FHIP1A: variants seen among roughly 807,000 people sequenced by gnomAD.
The protein encoded by FHIP1A is FHF complex subunit HOOK-interacting protein 1A.
In FHIP1A, 61 loss-of-function variants were observed where a neutral mutation model predicts 88.6. The observed-to-expected ratio is 0.69, with a 90% CI of 0.56 to 0.85. The LOEUF is 0.85. Among genes scored for constraint, FHIP1A ranks in the 40% least tolerant of loss-of-function variants. FHIP1A has a pLI of 0.00. For missense variants in FHIP1A, 1,154 were observed against 1,273.5 expected (o/e 0.91, Z 1.43); for synonymous variants, 478 against 496.0 (o/e 0.96, Z 0.48).
chr4:151,628,169 T>C (rs2126874791), intron 7 of FHIP1A, among the ~76,000 whole-genome samples: 1 of 152,248 alleles, frequency 6.6e-6, no homozygotes. Context: ...AGAACTTGCA[T>C]TGTTGGCACC....
chr4:151,466,108 A>G (rs548606082), intron 2 of FHIP1A, among the ~76,000 whole-genome samples: 47 of 152,316 alleles, frequency 3.1e-4, no homozygotes, highest in Middle Eastern at 3.4e-3. Context: ...AAAACTCCTT[A>G]AGCTGGTAAG....
At chr4:151,500,302 C>T (rs1182791489) in intron 3 of FHIP1A, among the ~76,000 whole-genome samples, 1 of 151,976 alleles carries the variant, frequency 6.6e-6, no homozygotes. Flanking sequence ...TTTAGGTGTC[C>T]TGGCAACTCA....
chr4:151,492,866 G>C (rs1270261405), intron 3 of FHIP1A, among the ~76,000 whole-genome samples: 2 of 152,080 alleles, frequency 1.3e-5, no homozygotes, highest in Admixed American at 6.6e-5. Context: ...GCAAATAAAT[G>C]TCTACATCAA....
intron 1 of FHIP1A, among the ~76,000 whole-genome samples, chr4:151,429,670 G>A (rs1235958699): frequency 2.6e-5 from 4 of 152,062 alleles, no homozygotes; most frequent in Admixed American, 1.3e-4. Flanking sequence ...CCAATATGGC[G>A]AAACTGTGTC....
chr4:151,594,660 T>C (rs1191462585), intron 7 of FHIP1A, among the ~76,000 whole-genome samples: 2 of 151,706 alleles, frequency 1.3e-5, no homozygotes, highest in African/African-American at 2.4e-5. Flanking sequence ...CACTGCAAGC[T>C]CCGCCTCCTG....
At chr4:151,602,095 C>T (rs1734895256) in intron 7 of FHIP1A, among the ~76,000 whole-genome samples, 1 of 152,104 alleles carries the variant, frequency 6.6e-6, no homozygotes, top group Non-Finnish European at 1.5e-5. Context: ...CTGTGTCCTT[C>T]CCACGACATG....
At chr4:151,615,700 G>T (rs1392390738) in intron 7 of FHIP1A, among the ~76,000 whole-genome samples, 1 of 152,106 alleles carries the variant, frequency 6.6e-6, no homozygotes, top group Admixed American at 6.5e-5. Flanking sequence ...CTCTAGAATA[G>T]TTCATTTCAC....
chr4:151,599,108 G>A (rs141453996), intron 7 of FHIP1A, among the ~76,000 whole-genome samples: 1 of 152,194 alleles, frequency 6.6e-6, no homozygotes, highest in African/African-American at 2.4e-5. Flanking sequence ...ATATGGGAAA[G>A]GATAAATTTT....
chr4:151,451,174 A>T (rs537182669), intron 1 of FHIP1A, among the ~76,000 whole-genome samples: 2 of 152,086 alleles, frequency 1.3e-5, no homozygotes, highest in South Asian at 4.2e-4. Context: ...CCCTTTGCCT[A>T]TAGTTTTTGG....
Position 151,667,849 on chromosome 4 carries a change from G to A in FHIP1A, c.*5095G>A, listed in dbSNP as rs746090464. Among the ~76,000 whole-genome samples the A allele has an allele frequency of 2.1e-4, 32 of 152,140 alleles. No individual in the cohort carries two copies. The highest frequency in any genetic ancestry group is 4.1e-4 in the Non-Finnish European group (28 of 68,018). On this transcript the variant is annotated 3_prime_UTR_variant, in exon 14 of 14. Coordinates refer to ENST00000435205, the MANE Select transcript of FHIP1A (RefSeq NM_001109977.3). ...TCGACATGCATTCCAGGCATCTTTC[G>A]GGGAGTTTAGATTTACTGTGTCATT...
chr4:151,478,606 A>G (rs185785974), intron 2 of FHIP1A, among the ~76,000 whole-genome samples: 222 of 152,258 alleles, frequency 1.5e-3, no homozygotes, highest in Non-Finnish European at 2.7e-3. Flanking sequence ...TAGCTGTGCA[A>G]ACCAAAGATG....
chr4:151,602,680 G>C (rs991399999), intron 7 of FHIP1A, among the ~76,000 whole-genome samples: 2 of 152,182 alleles, frequency 1.3e-5, no homozygotes, highest in Non-Finnish European at 2.9e-5. Context: ...TGTAAGGCAG[G>C]TGAACATTGA....
intron 3 of FHIP1A, among the ~76,000 whole-genome samples, chr4:151,538,178 G>A (rs547800438): frequency 6.6e-6 from 1 of 152,274 alleles, no homozygotes; most frequent in East Asian, 1.9e-4. Flanking sequence ...TAACCTCATG[G>A]CCTGGTTTTT....
intron 2 of FHIP1A, among the ~76,000 whole-genome samples, chr4:151,458,204 A>G (rs983307013): frequency 2.0e-5 from 3 of 152,218 alleles, no homozygotes; most frequent in African/African-American, 4.8e-5. Context: ...ACTCAGAATC[A>G]TGAGCTCTGT....
At chr4:151,555,912 A>G (rs1560766345) in intron 3 of FHIP1A, among the ~76,000 whole-genome samples, 1 of 152,204 alleles carries the variant, frequency 6.6e-6, no homozygotes, top group Non-Finnish European at 1.5e-5. Context: ...TGATATAATC[A>G]TATAAAATAT....
intron 3 of FHIP1A, among the ~76,000 whole-genome samples, chr4:151,529,550 T>G: frequency 6.6e-6 from 1 of 152,178 alleles, no homozygotes; most frequent in East Asian, 1.9e-4. Context: ...CATCACTCAT[T>G]CTGTCAGGTT....
chr4:151,634,679 A>G (rs1263994468), intron 8 of FHIP1A, among the ~76,000 whole-genome samples: 1 of 151,800 alleles, frequency 6.6e-6, no homozygotes, highest in Non-Finnish European at 1.5e-5. Context: ...ACAAATGGTA[A>G]TGGTAAAACT....
chr4:151,535,891 A>C (rs1034045150), intron 3 of FHIP1A, among the ~76,000 whole-genome samples: 8 of 152,250 alleles, frequency 5.3e-5, no homozygotes, highest in African/African-American at 1.7e-4. Flanking sequence ...TTTAAGTATA[A>C]AAGCCATTGC....
chr4:151,641,967 G>A (rs1177142039), intron 9 of FHIP1A, among the ~76,000 whole-genome samples: 1 of 152,190 alleles, frequency 6.6e-6, no homozygotes, highest in Non-Finnish European at 1.5e-5. Flanking sequence ...AATAATGACT[G>A]TATGTCAATT....
Sources: allele counts gnomAD v4.1 joint callset (sites outside exome capture counted in the v4.1 genomes callset), GRCh38; gene constraint gnomAD v4.1.1; transcripts MANE v1.5; gene names NCBI Gene and HGNC (gene_info 2026-07-23, HGNC 2026-07-21).